Variants in LRRC7 observed in about 807,000 individuals in gnomAD.
LRRC7 encodes the protein leucine rich repeat containing 7.
LRRC7 carries 23 observed loss-of-function variants against 175.7 expected under a neutral mutation model. The observed-to-expected ratio is 0.13, with a 90% confidence interval of 0.09 to 0.19. The LOEUF is 0.19. Among genes scored for constraint, LRRC7 ranks in the 10% least tolerant of loss-of-function variants. LRRC7 has a pLI of 1.00. For synonymous variants in LRRC7, 685 were observed against 680.9 expected (o/e 1.01, Z -0.09); for missense variants, 1,354 against 1,904.7 (o/e 0.71, Z 5.38).
chr1:70,030,178 C>T (rs184745441), intron 18 of LRRC7, among the ~76,000 whole-genome samples: 52 of 152,244 alleles, frequency 3.4e-4, no homozygotes, highest in Non-Finnish European at 5.6e-4. Flanking sequence ...CTCCTCATTG[C>T]CTTGTCAATG....
chr1:69,924,124 G>A (rs887514487), intron 7 of LRRC7, among the ~76,000 whole-genome samples: 19 of 151,938 alleles, frequency 1.3e-4, no homozygotes, highest in South Asian at 4.2e-4. Context: ...GATATGCGGC[G>A]TTATTTCTGA....
intron 3 of LRRC7, among the ~76,000 whole-genome samples, chr1:69,785,811 A>C (rs1333526923): frequency 1.3e-5 from 2 of 152,122 alleles, no homozygotes; most frequent in Non-Finnish European, 2.9e-5. Flanking sequence ...TAATAATCCG[A>C]ATATGAGTGC....
chr1:69,784,317 T>C (rs1474821153), intron 3 of LRRC7, among the ~76,000 whole-genome samples: 1 of 152,176 alleles, frequency 6.6e-6, no homozygotes, highest in African/African-American at 2.4e-5. Flanking sequence ...AGGGATATGA[T>C]AGAGAGGAGC....
intron 8 of LRRC7, among the ~76,000 whole-genome samples, chr1:69,976,642 C>T (rs1198328375): frequency 6.6e-6 from 1 of 152,186 alleles, no homozygotes; most frequent in Admixed American, 6.5e-5. Context: ...CACTGGACAC[C>T]TTTCCTGTGT....
At chr1:69,986,086 A>G (rs921277111) in intron 9 of LRRC7, among the ~76,000 whole-genome samples, 156 bp from the exon 10 acceptor site, 23 of 152,154 alleles carry the variant, frequency 1.5e-4, no homozygotes, top group African/African-American at 5.6e-4. Context: ...TCCTACTAGC[A>G]ATGTTTGAAG....
At chr1:69,931,934 T>A (rs999200503) in intron 8 of LRRC7, among the ~76,000 whole-genome samples, 1 of 152,212 alleles carries the variant, frequency 6.6e-6, no homozygotes, top group African/African-American at 2.4e-5. Context: ...CCAGACTTGA[T>A]TAAATGCAAA....
At chr1:70,011,311 T>A (rs1291892949) in intron 11 of LRRC7, among the ~76,000 whole-genome samples, 1 of 151,592 alleles carries the variant, frequency 6.6e-6, no homozygotes, top group Non-Finnish European at 1.5e-5. Flanking sequence ...CTTAAATAGT[T>A]TTTATGAGGA....
intron 1 of LRRC7, among the ~76,000 whole-genome samples, chr1:69,591,667 G>A (rs1646640694): frequency 6.6e-6 from 1 of 151,898 alleles, no homozygotes; most frequent in South Asian, 2.1e-4. Flanking sequence ...ATATTATCTG[G>A]AAATTCACCA....
At chr1:69,897,484 C>T (rs1174481417) in intron 7 of LRRC7, among the ~76,000 whole-genome samples, 1 of 152,054 alleles carries the variant, frequency 6.6e-6, no homozygotes, top group Non-Finnish European at 1.5e-5. Flanking sequence ...TACATTTCTC[C>T]CCACAATAAT....
intron 7 of LRRC7, among the ~76,000 whole-genome samples, chr1:69,914,359 C>T (rs1268163477): frequency 6.6e-6 from 1 of 152,130 alleles, no homozygotes; most frequent in Admixed American, 6.5e-5. Flanking sequence ...GTCAAAGTGA[C>T]AGATGTACCA....
chr1:69,626,973 C>T (rs372959725), intron 1 of LRRC7, among the ~76,000 whole-genome samples: 13 of 152,106 alleles, frequency 8.5e-5, no homozygotes, highest in Non-Finnish European at 1.9e-4. Context: ...CAGTCTATCA[C>T]TGATGGACAT....
chr1:69,841,584 C>G (rs1681735689), intron 7 of LRRC7, among the ~76,000 whole-genome samples: 1 of 152,052 alleles, frequency 6.6e-6, no homozygotes. Context: ...AAAATAGTCT[C>G]CCTTCTTCTT....
Position 69,803,500 on chromosome 1 carries a change from G to GTA in LRRC7, c.421+11340_421+11341insTA, listed in dbSNP as rs1242709339. ...TATGTTTAAGTACTTTAAGTTGTTA[G>GTA]CTTTACAAATTGTATCACTTTTTAA... On this transcript the variant is annotated intron_variant, in intron 4 of 26. Transcript: ENST00000651989. Among the ~76,000 whole-genome samples, 3 of 151,330 alleles carry GTA rather than the reference G, an allele frequency of 2.0e-5. No individual in the cohort carries two copies. In the East Asian group the frequency reaches 5.8e-4, roughly 29 times the overall value.
rs1431719077 is a variant in LRRC7 at position 69,679,985 on chromosome 1, A to G, written c.100+1507A>G. 5.3e-5 allele frequency among the ~76,000 whole-genome samples: 8 copies of G among 152,214 alleles called. No individual in the cohort carries two copies. In the South Asian group the frequency reaches 1.4e-3, roughly 28 times the overall value. On this transcript the variant is annotated intron_variant, in intron 2 of 26. Transcript: ENST00000651989. ...CACAACTGATTTTGCACTACAAAGG[A>G]AGAATTGAGTAGTTGTGACAGAGAC...
rs61782603 is a variant in LRRC7, at chr1:69,933,370, C to T, written c.711+1800C>T. The stretch of plus-strand genomic sequence containing the variant: ...AATTTTTAAAGGAGATATTTATTAA[C>T]GTAGGTAGAGAGTTTAGTGGGGGTG... On this transcript the variant is annotated intron_variant, in intron 8 of 26. Coordinates refer to ENST00000651989, the MANE Select transcript of LRRC7 (RefSeq NM_001370785.2). Among the ~76,000 whole-genome samples, 1,203 of 152,234 alleles carry T rather than the reference C, an allele frequency of 7.9e-3. 11 individuals carry two copies. Among genetic ancestry groups the T allele is most frequent in the Middle Eastern group, 0.027 (8 of 294 alleles).
intron 8 of LRRC7, among the ~76,000 whole-genome samples, chr1:69,961,509 A>T (rs1375278197): frequency 6.6e-6 from 1 of 152,210 alleles, no homozygotes; most frequent in East Asian, 1.9e-4. Flanking sequence ...ACAAAAAAAG[A>T]GCCCAAATAG....
chr1:69,737,403 A>G (rs932578559), intron 2 of LRRC7, among the ~76,000 whole-genome samples: 1 of 152,080 alleles, frequency 6.6e-6, no homozygotes, highest in Non-Finnish European at 1.5e-5. Flanking sequence ...GCCTTCCACC[A>G]TGATTGTGAG....
intron 7 of LRRC7, among the ~76,000 whole-genome samples, chr1:69,843,455 A>G (rs79416278): frequency 0.063 from 9,510 of 152,152 alleles, 349 homozygotes; most frequent in East Asian, 0.15. Context: ...GGAATTATTT[A>G]AGAGAAAAAT....
At chr1:69,595,311 T>A (rs1646797126) in intron 1 of LRRC7, among the ~76,000 whole-genome samples, 1 of 152,078 alleles carries the variant, frequency 6.6e-6, no homozygotes, top group Admixed American at 6.6e-5. Context: ...TCCCAGCTAC[T>A]CGGGAGGCTG....
Sources: gnomAD v4.1 joint callset for allele counts (sites outside exome capture counted in the v4.1 genomes callset) on GRCh38, gnomAD v4.1.1 for gene constraint, MANE v1.5 for transcripts, NCBI Gene and HGNC (gene_info 2026-07-23, HGNC 2026-07-21) for gene names.